The following IMMP2L variants were observed in gnomAD, a reference collection of about 807,000 sequenced individuals.
The protein encoded by IMMP2L is mitochondrial inner membrane protease subunit 2.
IMMP2L carries 18 observed loss-of-function variants against 19.3 expected under a neutral mutation model. The ratio of observed to expected loss-of-function variants is 0.93; its 90% CI spans 0.64 to 1.38. IMMP2L has a LOEUF of 1.38. Among genes scored for constraint, IMMP2L ranks in the 40% most tolerant of loss-of-function variants. The pLI is 0.00. For synonymous variants in IMMP2L, 76 were observed against 73.0 expected, an observed-to-expected ratio of 1.04 and a Z score of -0.21; for missense variants, 233 against 218.2, an observed-to-expected ratio of 1.07 and a Z score of -0.43.
chr7:111,360,421 AC>A (rs373929828), intron 3 of IMMP2L, among the ~76,000 whole-genome samples: 127 of 152,282 alleles, frequency 8.3e-4, no homozygotes, highest in African/African-American at 3.0e-3. Flanking sequence ...TTGTTTTCAT[AC>A]ATACTCCAAA....
At chr7:110,705,746 C>A (rs1794630051) in intron 5 of IMMP2L, among the ~76,000 whole-genome samples, 1 of 151,890 alleles carries the variant, frequency 6.6e-6, no homozygotes, top group Non-Finnish European at 1.5e-5. Flanking sequence ...CCCTCCCTTT[C>A]CCCCTTCTAT....
intron 3 of IMMP2L, among the ~76,000 whole-genome samples, chr7:111,234,854 C>A (rs187294614): frequency 5.9e-4 from 90 of 152,204 alleles, no homozygotes; most frequent in African/African-American, 2.0e-3. Flanking sequence ...ATTTCCCCCT[C>A]TCCCAGCCTT....
chr7:111,527,490 T>C (rs1020649663), intron 1 of IMMP2L, among the ~76,000 whole-genome samples: 22 of 152,174 alleles, frequency 1.4e-4, no homozygotes, highest in African/African-American at 4.6e-4. Flanking sequence ...TATAACTTTT[T>C]ATTGTCTTTT....
chr7:111,278,052 A>C (rs1364725040), intron 3 of IMMP2L, among the ~76,000 whole-genome samples: 1 of 152,066 alleles, frequency 6.6e-6, no homozygotes, highest in Non-Finnish European at 1.5e-5. Flanking sequence ...CCGTGGAGTA[A>C]AAGACACTGA....
At chr7:110,954,803 G>A (rs1199659003) in intron 4 of IMMP2L, among the ~76,000 whole-genome samples, 5 of 152,024 alleles carry the variant, frequency 3.3e-5, no homozygotes, top group Non-Finnish European at 5.9e-5. Context: ...CTCTATTCAC[G>A]AGAGATAGGT....
At chr7:110,798,870 A>G (rs1176236445) in intron 5 of IMMP2L, among the ~76,000 whole-genome samples, 1 of 151,976 alleles carries the variant, frequency 6.6e-6, no homozygotes, top group Non-Finnish European at 1.5e-5. Flanking sequence ...ATAAAAATTT[A>G]TATATAAGGA....
chr7:111,011,420 T>C lies in IMMP2L; in HGVS notation c.240-47855A>G, dbSNP rs541472000. Among the ~76,000 whole-genome samples the C allele has an allele frequency of 4.2e-4, 64 of 152,194 alleles. 2 individuals carry two copies. In the South Asian group the frequency reaches 0.011, roughly 26 times the overall value. Reference sequence around the variant, plus strand: ...TATTAAAGAAAAAAGTACCCAAAAATGCATGCACAACAGATAGTTTCCTTC... The same window carrying C: ...TATTAAAGAAAAAAGTACCCAAAAACGCATGCACAACAGATAGTTTCCTTC... On this transcript the variant is annotated intron_variant, in intron 3 of 5. Transcript: ENST00000405709.
chr7:111,420,057 A>C (rs1235341319), intron 3 of IMMP2L, among the ~76,000 whole-genome samples: 1 of 151,838 alleles, frequency 6.6e-6, no homozygotes, highest in Admixed American at 6.6e-5. Flanking sequence ...ATTGAACTGT[A>C]CACTTAAAGA....
chr7:110,782,646 C>G (rs539549318), intron 5 of IMMP2L, among the ~76,000 whole-genome samples: 1 of 151,916 alleles, frequency 6.6e-6, no homozygotes, highest in East Asian at 1.9e-4. Flanking sequence ...CTTATAAACC[C>G]AAAGCTTAAG....
intron 5 of IMMP2L, among the ~76,000 whole-genome samples, chr7:110,735,868 A>AAT (rs1796602051): frequency 6.7e-6 from 1 of 149,192 alleles, no homozygotes; most frequent in Non-Finnish European, 1.5e-5. Flanking sequence ...AAAAAAAAAA[A>AAT]AAGGAATGAA....
chr7:111,273,954 T>C (rs939509784), intron 3 of IMMP2L, among the ~76,000 whole-genome samples: 1 of 152,196 alleles, frequency 6.6e-6, no homozygotes, highest in Non-Finnish European at 1.5e-5. Flanking sequence ...TTAAATTTTA[T>C]GGAAACTAAT....
intron 3 of IMMP2L, among the ~76,000 whole-genome samples, chr7:111,466,365 T>C (rs1401508950): frequency 1.3e-5 from 2 of 152,112 alleles, no homozygotes; most frequent in Non-Finnish European, 1.5e-5. Flanking sequence ...TCAAATTTAG[T>C]CGCTTTTTAG....
chr7:110,932,338 T>C (rs1344500347), intron 4 of IMMP2L, among the ~76,000 whole-genome samples: 1 of 152,130 alleles, frequency 6.6e-6, no homozygotes, highest in Non-Finnish European at 1.5e-5. Flanking sequence ...CTAGTGTGTA[T>C]TTATTGAGAA....
intron 3 of IMMP2L, among the ~76,000 whole-genome samples, chr7:111,085,660 C>A (rs116619904): frequency 1.3e-5 from 2 of 152,004 alleles, no homozygotes; most frequent in Non-Finnish European, 2.9e-5. Flanking sequence ...ATCCTTTGAC[C>A]GCTTTTTATA....
intron 1 of IMMP2L, among the ~76,000 whole-genome samples, chr7:111,523,475 A>G (rs1473302157): frequency 6.6e-6 from 1 of 152,104 alleles, no homozygotes; most frequent in Admixed American, 6.6e-5. Context: ...TTAACATGTC[A>G]CAGGAAAAAG....
chr7:111,149,350 A>G (rs1306575849), intron 3 of IMMP2L, among the ~76,000 whole-genome samples: 5 of 152,138 alleles, frequency 3.3e-5, no homozygotes, highest in African/African-American at 1.2e-4. Flanking sequence ...CATGAAATAT[A>G]AGAGCAGAAA....
intron 3 of IMMP2L, among the ~76,000 whole-genome samples, chr7:111,242,933 T>A (rs1490717033): frequency 6.6e-6 from 1 of 151,642 alleles, no homozygotes; most frequent in Admixed American, 6.6e-5. Flanking sequence ...CTCACTGGTA[T>A]TTCTTAATTT....
intron 3 of IMMP2L, among the ~76,000 whole-genome samples, chr7:111,243,446 C>T (rs1411986514): frequency 6.6e-6 from 1 of 151,312 alleles, no homozygotes; most frequent in Non-Finnish European, 1.5e-5. Flanking sequence ...TCATGTTTTA[C>T]ATATATAATT....
At chr7:111,543,657 C>T (rs1025040146) in intron 1 of IMMP2L, among the ~76,000 whole-genome samples, 1 of 152,078 alleles carries the variant, frequency 6.6e-6, no homozygotes, top group Non-Finnish European at 1.5e-5. Flanking sequence ...TTTTCTGATC[C>T]AATCACATCT....
Sources: allele counts gnomAD v4.1 joint callset (sites outside exome capture counted in the v4.1 genomes callset), GRCh38; gene constraint gnomAD v4.1.1; transcripts MANE v1.5; gene names NCBI Gene and HGNC (gene_info 2026-07-23, HGNC 2026-07-21).